Variants in RBM27 observed in about 807,000 individuals in gnomAD.
The protein encoded by RBM27 is RNA-binding protein 27.
In RBM27, 22 loss-of-function variants were observed where a neutral mutation model predicts 135.3. The ratio of observed to expected loss-of-function variants is 0.16; its 90% CI spans 0.12 to 0.23. The LOEUF is 0.23. Among genes scored for constraint, RBM27 ranks in the 10% least tolerant of loss-of-function variants. The pLI is 1.00. For missense variants in RBM27, 1,009 were observed against 1,281.0 expected (o/e 0.79, Z 3.24); for synonymous variants, 481 against 442.4 (o/e 1.09, Z -1.10).
At chr5:146,273,795 A>G (rs765091463) in intron 19 of RBM27, among the ~76,000 whole-genome samples, 1 of 152,324 alleles carries the variant, frequency 6.6e-6, no homozygotes, top group Non-Finnish European at 1.5e-5. Context: ...AAAATGATGG[A>G]TGGATTTTAA....
chr5:146,213,598 C>G (rs1756068034), intron 1 of RBM27, among the ~76,000 whole-genome samples: 1 of 152,108 alleles, frequency 6.6e-6, no homozygotes, highest in Non-Finnish European at 1.5e-5. Flanking sequence ...GTAGTCTTGG[C>G]TTTTTTCCTA....
At chr5:146,268,353 C>T (rs1301594491) in intron 15 of RBM27, among the ~76,000 whole-genome samples, 2 of 151,848 alleles carry the variant, frequency 1.3e-5, no homozygotes, top group Non-Finnish European at 2.9e-5. Flanking sequence ...AGCGATTCTC[C>T]TGCCTCAGCC....
intron 1 of RBM27, among the ~76,000 whole-genome samples, chr5:146,211,464 CTTTTTTTTTTTT>C (rs57117642): frequency 0.015 from 744 of 49,990 alleles, 13 homozygotes; most frequent in African/African-American, 0.044. Flanking sequence ...ATGGTCTTAT[CTTTTTTTTTTTT>C]TTTTTTTTTT....
intron 11 of RBM27, among the ~76,000 whole-genome samples, chr5:146,260,065 C>T (rs1017781245): frequency 6.6e-6 from 1 of 150,754 alleles, no homozygotes; most frequent in Non-Finnish European, 1.5e-5. Context: ...TTTGGGAGGC[C>T]GAGACGGGTA....
rs1484011649 is a variant in RBM27, at chr5:146,287,305, T to C, written c.*1275T>C. ...TACTGTGTGCATTTTTACTGTACAC[T>C]GTATAGAGTAGAGTATCTGTTAAGT... On this transcript the variant is annotated 3_prime_UTR_variant, in exon 21 of 21. Coordinates refer to ENST00000265271, the MANE Select transcript of RBM27 (RefSeq NM_018989.2). 6.6e-6 allele frequency: 1 copy of C among 152,280 alleles called. No individual in the cohort carries two copies. The highest frequency in any genetic ancestry group is 1.9e-4 in the East Asian group (1 of 5,188). 9.4% of individuals were successfully genotyped at this position (152,280 alleles called of 1,614,324 possible).
intron 19 of RBM27, among the ~76,000 whole-genome samples, chr5:146,280,082 T>C (rs1759268463): frequency 6.7e-6 from 1 of 149,944 alleles, no homozygotes; most frequent in East Asian, 2.0e-4. Flanking sequence ...GGAGACAGAG[T>C]CTCAAGTCAC....
In RBM27 at chr5:146,269,286, G is replaced by C; in HGVS notation, c.2526+5G>C. 6.3e-7 allele frequency: 1 copy of C among 1,595,538 alleles called. No individual in the cohort carries two copies. Among genetic ancestry groups the C allele is most frequent in the Non-Finnish European group, 8.6e-7 (1 of 1,167,416 alleles). On this transcript the variant is annotated splice_donor_5th_base_variant and intron_variant, in intron 16 of 20. Coordinates refer to ENST00000265271, the MANE Select transcript of RBM27 (RefSeq NM_018989.2). ...AAGCAAATAGAATGCCAAAAGGTAAGACAAGAGCTCATTATTTGCATGCTA... is the reference window on the plus strand; with the variant it reads ...AAGCAAATAGAATGCCAAAAGGTAACACAAGAGCTCATTATTTGCATGCTA...
At chr5:146,251,645 A>C in intron 8 of RBM27, 66 bp from the exon 9 acceptor site, 3 of 1,439,710 alleles carry the variant, frequency 2.1e-6, no homozygotes, top group Non-Finnish European at 1.9e-6. Context: ...CTCAGGAAAC[A>C]CATCATCACC....
chr5:146,206,337 G>A (rs1290482744), intron 1 of RBM27, among the ~76,000 whole-genome samples: 1 of 132,192 alleles, frequency 7.6e-6, no homozygotes, highest in East Asian at 2.1e-4. Flanking sequence ...TTGAAGGTTA[G>A]TCTGGGTGGG....
chr5:146,264,654 T>TAAAAAAAAAAA, intron 14 of RBM27, among the ~76,000 whole-genome samples: 1 of 97,902 alleles, frequency 1.0e-5, no homozygotes, highest in African/African-American at 3.6e-5. Flanking sequence ...CAAAGAGAGC[T>TAAAAAAAAAAA]AAAAAAAAAA....
intron 14 of RBM27, among the ~76,000 whole-genome samples, chr5:146,267,347 G>T (rs1758658151): frequency 6.6e-6 from 1 of 152,172 alleles, no homozygotes; most frequent in African/African-American, 2.4e-5. Flanking sequence ...TCTCTGTTCA[G>T]TCATGATTAG....
At chr5:146,231,411 C>G (rs1756926431) in intron 6 of RBM27, among the ~76,000 whole-genome samples, 1 of 151,288 alleles carries the variant, frequency 6.6e-6, no homozygotes, top group African/African-American at 2.4e-5. Flanking sequence ...TGCCTATAGT[C>G]CAAATTTTGT....
chr5:146,228,278 C>CTTTTT lies in RBM27; in HGVS notation c.304-665_304-664insTTTTT, dbSNP rs201464624. 6.1e-4 allele frequency among the ~76,000 whole-genome samples: 71 copies of CTTTTT among 116,842 alleles called. 3 individuals are homozygous for CTTTTT. The highest frequency in any genetic ancestry group is 5.7e-4 in the Non-Finnish European group (32 of 56,404). The allele number at this position is 116,842 out of a possible 152,430, so 76.7% of individuals were successfully genotyped here. On this transcript the variant is annotated intron_variant, in intron 3 of 20. Coordinates refer to ENST00000265271, the MANE Select transcript of RBM27 (RefSeq NM_018989.2). ...TTTCATAATTTATAGAGGGACCATT[C>CTTTTT]TTTCTTTTTTTTTTTTTTTTTTTTG...
chr5:146,235,783 C>T (rs571753235), intron 7 of RBM27, among the ~76,000 whole-genome samples: 1 of 151,888 alleles, frequency 6.6e-6, no homozygotes, highest in African/African-American at 2.4e-5. Flanking sequence ...GCCTCCCAGG[C>T]TTGAAGGGAT....
Position 146,251,823 on chromosome 5 carries a change from A to T in RBM27, c.1392A>T (p.Gly464=). The part of the protein sequence containing the change: ...ARLVPPRNLM[G]SSIGYHTSVS... ...TGGTGCCACCTCGAAACCTCATGGG[A>T]TCCTCCATTGGATACCATACCTCAG... Residue 464 remains glycine, a synonymous_variant, in exon 9 of 21, where the codon GGA becomes GGT. Coordinates refer to ENST00000265271, the MANE Select transcript of RBM27 (RefSeq NM_018989.2). 6.2e-7 allele frequency: 1 copy of T among 1,613,926 alleles called. No homozygotes were observed.
intron 7 of RBM27, among the ~76,000 whole-genome samples, chr5:146,236,070 A>G (rs1383265968): frequency 6.6e-6 from 1 of 152,224 alleles, no homozygotes; most frequent in African/African-American, 2.4e-5. Flanking sequence ...AGATAAAGCA[A>G]CATCGTTTTA....
chr5:146,214,172 CA>C (rs2126692649), intron 1 of RBM27, among the ~76,000 whole-genome samples: 1 of 152,302 alleles, frequency 6.6e-6, no homozygotes, highest in East Asian at 1.9e-4. Flanking sequence ...TACAAATTTA[CA>C]AATCTATAGT....
intron 8 of RBM27, among the ~76,000 whole-genome samples, chr5:146,243,232 C>T (rs1421144468): frequency 1.3e-5 from 2 of 152,062 alleles, no homozygotes; most frequent in African/African-American, 4.8e-5. Context: ...CGCCATTGCA[C>T]TCTAGCCTGG....
chr5:146,206,531 T>G (rs1468327106), intron 1 of RBM27, among the ~76,000 whole-genome samples: 5 of 146,896 alleles, frequency 3.4e-5, no homozygotes, highest in Non-Finnish European at 4.5e-5. Context: ...TTTTTTTAAT[T>G]TTGTTGCTCA....
Sources: gnomAD v4.1 joint callset for allele counts (sites outside exome capture counted in the v4.1 genomes callset) on GRCh38, gnomAD v4.1.1 for gene constraint, MANE v1.5 for transcripts, NCBI Gene and HGNC (gene_info 2026-07-23, HGNC 2026-07-21) for gene names.